The following TRPC3 variants were observed in gnomAD, a reference collection of about 807,000 sequenced individuals.
The protein encoded by TRPC3 is short transient receptor potential channel 3.
A neutral mutation model predicts 90.9 loss-of-function variants in TRPC3; 54 were observed. The ratio of observed to expected loss-of-function variants is 0.59; its 90% CI spans 0.48 to 0.75. The LOEUF is 0.75. TRPC3 is among the 30% of genes least tolerant of loss of function. The probability of loss-of-function intolerance (pLI) is 0.00; values close to 1 mark genes in which losing one functional copy is unlikely to be tolerated. For missense variants in TRPC3, 918 were observed against 1,194.5 expected, an observed-to-expected ratio of 0.77 and a Z score of 3.41; for synonymous variants, 424 against 450.9, an observed-to-expected ratio of 0.94 and a Z score of 0.75.
intron 10 of TRPC3, among the ~76,000 whole-genome samples, chr4:121,882,840 G>A (rs1426138912): frequency 6.6e-6 from 1 of 151,938 alleles, no homozygotes; most frequent in African/African-American, 2.4e-5. Flanking sequence ...ATATACAGAA[G>A]AACAAAATAA....
At chr4:121,934,834 G>A (rs1421444482) in intron 1 of TRPC3, among the ~76,000 whole-genome samples, 2 of 152,286 alleles carry the variant, frequency 1.3e-5, no homozygotes, top group Middle Eastern at 3.4e-3. Context: ...AAATGTGGCC[G>A]GGCAAGCCTG....
chr4:121,931,080 C>A (rs892766315), intron 2 of TRPC3, among the ~76,000 whole-genome samples: 1 of 152,082 alleles, frequency 6.6e-6, no homozygotes, highest in Non-Finnish European at 1.5e-5. Flanking sequence ...GATGGATATC[C>A]AGGGAATTTT....
At chr4:121,929,789 T>C (rs1426345791) in intron 2 of TRPC3, among the ~76,000 whole-genome samples, 1 of 152,012 alleles carries the variant, frequency 6.6e-6, no homozygotes, top group African/African-American at 2.4e-5. Flanking sequence ...ATACTAGATA[T>C]TATAGGCCAT....
At chr4:121,926,853 G>C (rs1453562437) in intron 2 of TRPC3, among the ~76,000 whole-genome samples, 1 of 152,222 alleles carries the variant, frequency 6.6e-6, no homozygotes, top group African/African-American at 2.4e-5. Flanking sequence ...ACCTGGGCAT[G>C]TGTTAGAAAT....
intron 7 of TRPC3, 114 bp downstream of exon 7, chr4:121,907,189 A>G (rs1728910235): frequency 9.7e-7 from 1 of 1,027,688 alleles, no homozygotes; most frequent in East Asian, 2.4e-5. Context: ...TTGATGGATT[A>G]TTTTCTGTGC....
At chr4:121,929,426 A>C (rs1191406783) in intron 2 of TRPC3, among the ~76,000 whole-genome samples, 1 of 152,214 alleles carries the variant, frequency 6.6e-6, no homozygotes, top group African/African-American at 2.4e-5. Flanking sequence ...TCATTGACTC[A>C]GTCAGAACTA....
chr4:121,901,008 T>C (rs1578613456), intron 9 of TRPC3, among the ~76,000 whole-genome samples: 1 of 152,248 alleles, frequency 6.6e-6, no homozygotes, highest in East Asian at 1.9e-4. Context: ...TTCTTTACAG[T>C]GGTCTAGGTA....
At position 121,878,350 on chromosome 4, in the gene TRPC3, G is replaced by T. The variant is rs556389011; in HGVS notation, c.*1386C>A. 5.3e-5 allele frequency among the ~76,000 whole-genome samples: 8 copies of T among 152,162 alleles called. No individual in the cohort carries two copies. The highest frequency in any genetic ancestry group is 8.8e-5 in the Non-Finnish European group (6 of 68,024). On this transcript the variant is annotated 3_prime_UTR_variant, in exon 12 of 12. Transcript: ENST00000379645. ...AAGAGCTTTTCTGCATGATAGCAAT[G>T]ATTTTAAAGTAGCATGTATTTAGTT...
At position 121,951,412 on chromosome 4, in the gene TRPC3, C is replaced by A. The variant is rs1730744288; in HGVS notation, c.215+54G>T. 8.8e-7 allele frequency: 1 copy of A among 1,137,394 alleles called. No individual in the cohort carries two copies. Among genetic ancestry groups the A allele is most frequent in the Non-Finnish European group, 1.1e-6 (1 of 922,890 alleles). The allele number at this position is 1,137,394 out of a possible 1,614,324, so 70.5% of individuals were successfully genotyped here. ...GCCGCCCGGCGCGCGCCTTCCCGCC[C>A]CCCGCCCGGCACCGCCCTCCGAGGC... is the stretch of plus-strand genomic sequence containing the variant. On this transcript the variant is annotated intron_variant, in intron 1 of 11. Transcript: ENST00000379645. This position sits in a 1 kb window ranked among gnomAD's most constrained non-coding sequence, Gnocchi z 4.4.
At chr4:121,888,285 C>A (rs563836017) in intron 10 of TRPC3, among the ~76,000 whole-genome samples, 4 of 152,186 alleles carry the variant, frequency 2.6e-5, no homozygotes, top group African/African-American at 9.6e-5. Context: ...AAGGTGATGA[C>A]CCTATTGGTG....
At position 121,932,267 on chromosome 4, in the gene TRPC3, T is replaced by C. The variant is rs1375754501; in HGVS notation, c.987+4A>G. 1 of 1,612,760 alleles carries C rather than the reference T, an allele frequency of 6.2e-7. No individual in the cohort carries two copies. The highest frequency in any genetic ancestry group is 1.1e-5 in the South Asian group (1 of 91,022). On this transcript the variant is annotated splice_donor_region_variant and intron_variant, in intron 2 of 11. Transcript: ENST00000379645. The surrounding 1 kb of genome is among the most constrained non-coding windows in gnomAD (Gnocchi z 7.7). ...GAGCAGCCGGGGTAGAGCGCAAAGC[T>C]TACCTTGAACTCCTTCTCTATGTTG...
At chr4:121,918,036 G>A (rs1729375913) in intron 3 of TRPC3, among the ~76,000 whole-genome samples, 1 of 152,200 alleles carries the variant, frequency 6.6e-6, no homozygotes, top group South Asian at 2.1e-4. Context: ...ATGTGGTAGA[G>A]TTAACAGGTG....
rs1730763736 is a variant in TRPC3 at position 121,951,620 on chromosome 4, C to T, written c.61G>A (p.Glu21Lys). The change falls in exon 1 of 12, where the codon GAG becomes AAG. Residue 21 changes from glutamate (E) to lysine (K), a missense_variant. Glu to Lys is a moderately conservative substitution (Grantham distance 56). Transcript: ENST00000379645. This position sits in a 1 kb window ranked among gnomAD's most constrained non-coding sequence, Gnocchi z 4.4. ...QARVTFPAPE[E>K]EEDEGEDEGA... ...TCGTCCTCGCCCTCGTCTTCCTCCT[C>T]CTCCGGCGCCGGGAAGGTCACCCTT... 1 of 1,435,874 alleles carries T rather than the reference C, an allele frequency of 7.0e-7. No individual in the cohort carries two copies. The highest frequency in any genetic ancestry group is 1.5e-5 in the South Asian group (1 of 68,840). 88.9% of individuals were successfully genotyped at this position (1,435,874 alleles called of 1,614,324 possible).
intron 10 of TRPC3, among the ~76,000 whole-genome samples, chr4:121,898,228 A>G (rs1728584850): frequency 1.3e-5 from 2 of 152,098 alleles, no homozygotes; most frequent in East Asian, 1.9e-4. Flanking sequence ...GATAGGAGGA[A>G]TAACTTCTAG....
intron 5 of TRPC3, among the ~76,000 whole-genome samples, chr4:121,911,641 A>G (rs1013097633): frequency 9.8e-5 from 15 of 152,306 alleles, no homozygotes; most frequent in Middle Eastern, 3.4e-3. Context: ...TCTGAAACAT[A>G]GTATATTTGT....
Position 121,878,952 on chromosome 4 carries a change from A to G in TRPC3, c.*784T>C, listed in dbSNP as rs1727846265. On this transcript the variant is annotated 3_prime_UTR_variant, in exon 12 of 12. Transcript: ENST00000379645. Reference sequence around the variant, plus strand: ...GGTTATAACAAAATGACAACCCTGCATAACCCCCAACTTAAAAGAAAATCA... The same window carrying G: ...GGTTATAACAAAATGACAACCCTGCGTAACCCCCAACTTAAAAGAAAATCA... 1 of 152,204 alleles carries G rather than the reference A, an allele frequency of 6.6e-6. No individual in the cohort carries two copies. Among genetic ancestry groups the G allele is most frequent in the Non-Finnish European group, 1.5e-5 (1 of 68,030 alleles). The allele number at this position is 152,204 out of a possible 1,614,324, so 9.4% of individuals were successfully genotyped here.
chr4:121,926,281 T>G (rs946494927), intron 2 of TRPC3, among the ~76,000 whole-genome samples: 4 of 152,232 alleles, frequency 2.6e-5, no homozygotes, highest in Non-Finnish European at 5.9e-5. Context: ...AGTGTAACCC[T>G]CCTCACTTTT....
chr4:121,945,984 A>AGTGAAAGAT (rs1229899001), intron 1 of TRPC3, among the ~76,000 whole-genome samples: 2 of 152,224 alleles, frequency 1.3e-5, no homozygotes, highest in Non-Finnish European at 2.9e-5. Flanking sequence ...CTAAAATGGA[A>AGTGAAAGAT]ATAAATTCAG....
intron 1 of TRPC3, among the ~76,000 whole-genome samples, chr4:121,940,807 G>C (rs1730283147): frequency 6.6e-6 from 1 of 151,984 alleles, no homozygotes; most frequent in Non-Finnish European, 1.5e-5. Flanking sequence ...CTTGATTATT[G>C]TCTCCTGTGA....
Sources: gnomAD v4.1 joint callset for allele counts (sites outside exome capture counted in the v4.1 genomes callset) on GRCh38, gnomAD v4.1.1 for gene constraint, Gnocchi (gnomAD v3.1) non-coding constraint, MANE v1.5 for transcripts, NCBI Gene and HGNC (gene_info 2026-07-23, HGNC 2026-07-21) for gene names.